The following WAPL variants were observed in gnomAD, a reference collection of about 807,000 sequenced individuals.
The protein encoded by WAPL is WAPL cohesin release factor.
A neutral mutation model predicts 121.0 loss-of-function variants in WAPL; 5 were observed. The ratio of observed to expected loss-of-function variants is 0.04; its 90% CI spans 0.02 to 0.09. The LOEUF is 0.09. WAPL is among the 10% of genes least tolerant of loss of function. WAPL has a pLI of 1.00. For synonymous variants in WAPL, 480 were observed against 481.5 expected, an observed-to-expected ratio of 1.00 and a Z score of 0.04; for missense variants, 999 against 1,410.8, an observed-to-expected ratio of 0.71 and a Z score of 4.68.
At chr10:86,440,530 A>T (rs1170851464) in intron 17 of WAPL, among the ~76,000 whole-genome samples, 1 of 151,776 alleles carries the variant, frequency 6.6e-6, no homozygotes, top group Non-Finnish European at 1.5e-5. Flanking sequence ...CGATCTCCTG[A>T]CCTTGTGATC....
At position 86,520,912 on chromosome 10, in the gene WAPL, C is replaced by A. The variant is rs111304456; in HGVS notation, c.-23+453G>T. ...ACGAACCTGACTAACCAGAAATCCT[C>A]ACCTGGGGACAGCCGGGGCGCCACG... On this transcript the variant is annotated intron_variant, in intron 1 of 18. Transcript: ENST00000298767. 2.6e-5 allele frequency among the ~76,000 whole-genome samples: 4 copies of A among 152,242 alleles called. 1 individual carries two copies. Among genetic ancestry groups the A allele is most frequent in the African/African-American group, 9.6e-5 (4 of 41,552 alleles).
At chr10:86,501,414 C>T (rs1842244950) in intron 2 of WAPL, among the ~76,000 whole-genome samples, 1 of 152,114 alleles carries the variant, frequency 6.6e-6, no homozygotes, top group African/African-American at 2.4e-5. Context: ...TTGTTGCCTT[C>T]AATTTTTACT....
At position 86,500,589 on chromosome 10, in the gene WAPL, C is replaced by A; in HGVS notation, c.654G>T (p.Arg218Ser). Reference sequence around the variant, plus strand: ...GAGATATTTCTGATGGTGATTCTGGCCTTTTCCCAAACTGGGAGTTCCAAG... The same window carrying A: ...GAGATATTTCTGATGGTGATTCTGGACTTTTCCCAAACTGGGAGTTCCAAG... ...NDTWNSQFGK[R>S]PESPSEISPI... The change falls in exon 3 of 19, where the codon AGG (arginine) becomes AGT (serine). Residue 218 changes from arginine to serine, a missense_variant. Arg to Ser is a moderately radical substitution (Grantham distance 110). This residue lies in a region of WAPL where 531 missense variants were observed against 563.1 expected (regional missense o/e 0.94). Transcript: ENST00000298767. 3 of 1,614,126 alleles carry A rather than the reference C, an allele frequency of 1.9e-6. No individual in the cohort carries two copies. In the South Asian group the frequency reaches 3.3e-5, roughly 18 times the overall value.
chr10:86,443,330 C>T lies in WAPL; in HGVS notation c.3356G>A (p.Cys1119Tyr). The T allele has an allele frequency of 2.5e-6, 4 of 1,614,010 alleles. No homozygotes were observed. Among genetic ancestry groups the T allele is most frequent in the Non-Finnish European group, 3.4e-6 (4 of 1,179,966 alleles). Residue 1119 changes from cysteine to tyrosine, a missense_variant, in exon 17 of 19, where the codon TGC (cysteine) becomes TAC (tyrosine). This residue lies in a region of WAPL where 126 missense variants were observed against 144.0 expected (regional missense o/e 0.87). Coordinates refer to ENST00000298767, the MANE Select transcript of WAPL (RefSeq NM_015045.5). Reference sequence around the variant, plus strand: ...TAGTGCTGTGTAGGAGGCCACAATGCAATCCTCCATGTGTTTGCCGGCATG... The same window carrying T: ...TAGTGCTGTGTAGGAGGCCACAATGTAATCCTCCATGTGTTTGCCGGCATG... ...LQHAGKHMEDCIVASYTALLL... is the reference protein window; with the variant it reads ...LQHAGKHMEDYIVASYTALLL...
At chr10:86,461,124 T>G (rs1589504714) in intron 10 of WAPL, 52 bp downstream of exon 10, 2 of 1,367,752 alleles carry the variant, frequency 1.5e-6, no homozygotes, top group East Asian at 4.7e-5. Context: ...ATGGAGTATT[T>G]TCTTCAGGCT....
intron 2 of WAPL, among the ~76,000 whole-genome samples, chr10:86,502,934 C>T (rs752768779): frequency 4.0e-5 from 6 of 149,174 alleles, no homozygotes; most frequent in South Asian, 2.1e-4. Context: ...CCAAGGCGGG[C>T]GGATCATGAG....
At position 86,436,291 on chromosome 10, in the gene WAPL, CAATG is replaced by C. The variant is rs1343950436; in HGVS notation, c.*1248_*1251del. The C allele has an allele frequency of 6.6e-6, 1 of 151,716 alleles. No individual in the cohort carries two copies. Among genetic ancestry groups the C allele is most frequent in the Non-Finnish European group, 1.5e-5 (1 of 67,852 alleles). The allele number at this position is 151,716 out of a possible 1,614,324, so 9.4% of individuals were successfully genotyped here. A position where few individuals can be genotyped will look rare whatever the true frequency, so the allele number is the denominator to read the frequency against. ...TTTATGGCTTCAAGTTTTACAAATCCAATGAAGAAACATGATGTAACTACCTGAA... is the reference window on the plus strand; with the variant it reads ...TTTATGGCTTCAAGTTTTACAAATCCAAGAAACATGATGTAACTACCTGAA... On this transcript the variant is annotated 3_prime_UTR_variant, in exon 19 of 19. Coordinates refer to ENST00000298767, the MANE Select transcript of WAPL (RefSeq NM_015045.5).
At chr10:86,443,033 A>G (rs1849509928) in intron 17 of WAPL, among the ~76,000 whole-genome samples, 1 of 101,534 alleles carries the variant, frequency 9.8e-6, no homozygotes, top group Admixed American at 1.1e-4. Context: ...ACAGAACGAG[A>G]CTCCGCCTCA....
intron 7 of WAPL, 23 bp from the exon 8 acceptor site, chr10:86,471,126 A>AG (rs1182763382): frequency 1.9e-6 from 3 of 1,603,032 alleles, no homozygotes; most frequent in Non-Finnish European, 2.6e-6. Flanking sequence ...AGAGCAGGTT[A>AG]GGGGGGCTGG....
In WAPL at chr10:86,518,039, T is replaced by C; in HGVS notation, c.31A>G (p.Arg11Gly). 6.2e-7 allele frequency: 1 copy of C among 1,613,658 alleles called. No homozygotes were observed. Among genetic ancestry groups the C allele is most frequent in the South Asian group, 1.1e-5 (1 of 90,910 alleles). The stretch of plus-strand genomic sequence containing the variant: ...TTTGAACTGCCATTTCCACCTTTCC[T>C]ACTGTATGTTTTCCCAAATCTGGAT... MTSRFGKTYSRKGGNGSSKFD... is the reference protein window; with the variant it reads MTSRFGKTYSGKGGNGSSKFD... Residue 11 changes from arginine to glycine, a missense_variant, in exon 2 of 19, where the codon AGG (arginine) becomes GGG (glycine). Physicochemically the swap from Arg to Gly is moderately radical, Grantham distance 125 (BLOSUM62 -2). Transcript: ENST00000298767.
At chr10:86,441,480 C>G (rs1849469830) in intron 17 of WAPL, among the ~76,000 whole-genome samples, 1 of 151,800 alleles carries the variant, frequency 6.6e-6, no homozygotes, top group South Asian at 2.1e-4. Context: ...GAGAAGTCTA[C>G]CTGGTGAGGG....
At chr10:86,471,184 A>C in intron 7 of WAPL, 81 bp from the exon 8 acceptor site, 2 of 1,113,956 alleles carry the variant, frequency 1.8e-6, no homozygotes, top group Non-Finnish European at 2.7e-6. Context: ...CAAAACCAGC[A>C]AATAGGAAGG....
chr10:86,517,609 T>C lies in WAPL; in HGVS notation c.461A>G (p.Asp154Gly). The change falls in exon 2 of 19, where the codon GAT becomes GGT. Residue 154 changes from aspartate (D) to glycine (G), a missense_variant. Physicochemically the swap from Asp to Gly is moderately conservative, Grantham distance 94. This residue lies in a region of WAPL where 531 missense variants were observed against 563.1 expected (regional missense o/e 0.94). Coordinates refer to ENST00000298767, the MANE Select transcript of WAPL (RefSeq NM_015045.5). ...EKSTNRIVED[D>G]ASISSCNKLI... ...TTTATTACAGCTACTTATGCTTGCA[T>C]CATCTTCTACAATTCGGTTTGTGCT... is the stretch of plus-strand genomic sequence containing the variant. 1.2e-6 allele frequency: 2 copies of C among 1,613,430 alleles called. No individual in the cohort carries two copies. The highest frequency in any genetic ancestry group is 1.7e-4 in the Middle Eastern group (1 of 6,060).
At chr10:86,519,133 CAA>C (rs141958872) in intron 1 of WAPL, among the ~76,000 whole-genome samples, 27 of 146,326 alleles carry the variant, frequency 1.8e-4, no homozygotes, top group Admixed American at 1.0e-3. Flanking sequence ...CTTCACAGGA[CAA>C]AAAAAAAAAT....
At chr10:86,484,459 C>G (rs906902213) in intron 4 of WAPL, among the ~76,000 whole-genome samples, 1 of 152,148 alleles carries the variant, frequency 6.6e-6, no homozygotes, top group Non-Finnish European at 1.5e-5. Context: ...CACACCACTG[C>G]ACTTCAACCT....
At chr10:86,437,727 G>A (rs1485970497) in intron 18 of WAPL, 119 bp from the exon 19 acceptor site, 11 of 1,136,968 alleles carry the variant, frequency 9.7e-6, no homozygotes, top group South Asian at 8.1e-5. Context: ...AAAGTACACC[G>A]AGATTAAATT....
In WAPL at chr10:86,467,926, C is replaced by A. The variant is rs1052312484; in HGVS notation, c.2143-420G>T. On this transcript the variant is annotated intron_variant, in intron 8 of 18. Coordinates refer to ENST00000298767, the MANE Select transcript of WAPL (RefSeq NM_015045.5). ...ATCTCCTGACTTCGTGATCCGCCCA[C>A]CTCGGCCTCCCAAAATGCTGGGATA... Among the ~76,000 whole-genome samples the A allele has an allele frequency of 5.3e-5, 8 of 152,186 alleles. No individual in the cohort carries two copies. The South Asian group carries it at 1.0e-3, about 20-fold the overall frequency.
At chr10:86,468,690 G>A (rs529777996) in intron 8 of WAPL, among the ~76,000 whole-genome samples, 9 of 152,192 alleles carry the variant, frequency 5.9e-5, no homozygotes, top group Admixed American at 2.6e-4. Context: ...ATCGCCAGGC[G>A]TGGTGGCTCA....
At chr10:86,450,249 T>G (rs1328255843) in intron 15 of WAPL, among the ~76,000 whole-genome samples, 1 of 152,212 alleles carries the variant, frequency 6.6e-6, no homozygotes, top group Non-Finnish European at 1.5e-5. Context: ...TTTTTAAACG[T>G]TTTTGAGACA....
Sources: allele counts gnomAD v4.1 joint callset (sites outside exome capture counted in the v4.1 genomes callset), GRCh38; gene constraint gnomAD v4.1.1; regional missense constraint gnomAD v4.1.1; transcripts MANE v1.5; gene names NCBI Gene and HGNC (gene_info 2026-07-23, HGNC 2026-07-21).